Variants in ATP6V1B2 observed in about 807,000 individuals in gnomAD.
The protein encoded by ATP6V1B2 is ATPase H+ transporting V1 subunit B2.
In ATP6V1B2, 23 loss-of-function variants were observed where a neutral mutation model predicts 66.7. The ratio of observed to expected loss-of-function variants is 0.34; its 90% CI spans 0.25 to 0.49. ATP6V1B2 has a LOEUF of 0.49. Ranked by LOEUF, ATP6V1B2 falls within the 20% of genes least tolerant of loss-of-function variation. The pLI, the probability that ATP6V1B2 is intolerant of heterozygous loss-of-function variation, is 0.99. For synonymous variants in ATP6V1B2, 278 were observed against 236.7 expected (o/e 1.17, Z -1.60); for missense variants, 478 against 650.8 (o/e 0.73, Z 2.89).
intron 13 of ATP6V1B2, among the ~76,000 whole-genome samples, chr8:20,219,799 A>G (rs967871681): frequency 6.6e-6 from 1 of 152,170 alleles, no homozygotes. Context: ...TGACCTTCAG[A>G]TAGTGATACT....
rs973159406 is a variant in ATP6V1B2, at chr8:20,198,056, G to C, written c.136+514G>C. On this transcript the variant is annotated intron_variant, in intron 1 of 13. Transcript: ENST00000276390. ...GAGGTCAGGCCAGTAGCCAGAGGGA[G>C]ATGTGGCTTGGTGTTTGGTGGAGGG... Among the ~76,000 whole-genome samples the C allele has an allele frequency of 5.3e-5, 8 of 152,356 alleles. No homozygotes were observed. The South Asian group carries it at 8.3e-4, about 16-fold the overall frequency.
At chr8:20,218,427 C>T in intron 13 of ATP6V1B2, 145 bp downstream of exon 13, 1 of 1,076,490 alleles carries the variant, frequency 9.3e-7, no homozygotes, top group Non-Finnish European at 1.3e-6. Context: ...CTGCCTTAAC[C>T]CTCTGGCTTC....
intron 3 of ATP6V1B2, 104 bp from the exon 4 acceptor site, chr8:20,210,241 AT>A (rs1223072587): frequency 1.2e-6 from 1 of 849,652 alleles, no homozygotes; most frequent in African/African-American, 1.7e-5. Flanking sequence ...AGTAGTATAC[AT>A]TCATGGGTTT....
At chr8:20,198,180 G>A (rs921549358) in intron 1 of ATP6V1B2, among the ~76,000 whole-genome samples, 3 of 152,220 alleles carry the variant, frequency 2.0e-5, no homozygotes, top group Non-Finnish European at 4.4e-5. Context: ...CAGGTGAGAA[G>A]CCTAAGGTTC....
In ATP6V1B2 at chr8:20,211,665, T is replaced by G; in HGVS notation, c.617T>G (p.Ile206Ser). The change falls in exon 7 of 14, where the codon ATC becomes AGC. Residue 206 changes from isoleucine (I) to serine (S), a missense_variant. Ile to Ser is a moderately radical substitution (Grantham distance 142, BLOSUM62 -2). Around this residue, in one of 2 missense-constraint regions of ATP6V1B2, gnomAD observed 326 missense variants for 545.6 expected, o/e 0.60. Coordinates refer to ENST00000276390, the MANE Select transcript of ATP6V1B2 (RefSeq NM_001693.4). The part of the protein sequence containing the change: ...GLPHNEIAAQ[I>S]CRQAGLVKKS... ...TTTGTTCATCAGATTGCAGCTCAGA[T>G]CTGTCGCCAGGCTGGTTTGGTAAAG... The G allele has an allele frequency of 6.2e-7, 1 of 1,610,682 alleles. No homozygotes were observed. Among genetic ancestry groups the G allele is most frequent in the Non-Finnish European group, 8.5e-7 (1 of 1,179,256 alleles).
rs147213687 is a variant in ATP6V1B2, at chr8:20,197,411, C to A, written c.5C>A (p.Ala2Glu). 1.3e-5 allele frequency: 20 copies of A among 1,540,008 alleles called. No homozygotes were observed. Among genetic ancestry groups the A allele is most frequent in the Non-Finnish European group, 1.5e-5 (17 of 1,144,686 alleles). The change falls in exon 1 of 14, where the codon GCG (alanine) becomes GAG (glutamate). Residue 2 changes from alanine to glutamate, a missense_variant. Coordinates refer to ENST00000276390, the MANE Select transcript of ATP6V1B2 (RefSeq NM_001693.4). M[A>E]LRAMRGIVNG... is the part of the protein sequence containing the mutation. ...AGTCGGGACAGAGGAGACAAGATGG[C>A]GCTGCGGGCGATGCGGGGGATTGTC...
chr8:20,211,083 G>A (rs2072788598), intron 5 of ATP6V1B2, 94 bp from the exon 6 acceptor site: 3 of 1,496,384 alleles, frequency 2.0e-6, no homozygotes, highest in African/African-American at 1.4e-5. Flanking sequence ...GTCTTCTGGT[G>A]CTTTTTCTTT....
intron 1 of ATP6V1B2, among the ~76,000 whole-genome samples, chr8:20,197,991 G>A (rs1379841352): frequency 6.6e-6 from 1 of 152,212 alleles, no homozygotes; most frequent in South Asian, 2.1e-4. Flanking sequence ...GAGGGCAGAC[G>A]GTAGAGCCTT....
In ATP6V1B2 at chr8:20,209,546, G is replaced by A. The variant is rs550674253; in HGVS notation, c.291+15G>A. On this transcript the variant is annotated intron_variant, in intron 3 of 13. Transcript: ENST00000276390. ...CAGTAGTTCAGGTAAGTTTCAGCTG[G>A]CCAGCTGAACTGTTTCCTAGTTGCC... 2.5e-6 allele frequency: 4 copies of A among 1,608,340 alleles called. No individual in the cohort carries two copies. The highest frequency in any genetic ancestry group is 2.2e-5 in the South Asian group (2 of 90,950).
intron 12 of ATP6V1B2, 52 bp from the exon 13 acceptor site, chr8:20,218,101 C>T: frequency 1.3e-6 from 2 of 1,597,194 alleles, no homozygotes; most frequent in South Asian, 2.3e-5. Context: ...TCCCAGATGA[C>T]TGAACATTTT....
intron 2 of ATP6V1B2, among the ~76,000 whole-genome samples, chr8:20,205,643 A>C (rs1365672522): frequency 6.6e-6 from 1 of 152,254 alleles, no homozygotes; most frequent in East Asian, 1.9e-4. Context: ...ATTTGATTTT[A>C]GATTTTGGCT....
chr8:20,211,619 A>G, intron 6 of ATP6V1B2, 33 bp from the exon 7 acceptor site: 1 of 1,564,426 alleles, frequency 6.4e-7, no homozygotes, highest in Non-Finnish European at 8.7e-7. Context: ...GTTATTTTAG[A>G]TTTCAACTGA....
chr8:20,204,835 A>G lies in ATP6V1B2; in HGVS notation c.192+296A>G, dbSNP rs117177999. Among the ~76,000 whole-genome samples the G allele has an allele frequency of 7.0e-3, 1,064 of 152,262 alleles. 12 individuals are homozygous for G. The highest frequency in any genetic ancestry group is 0.044 in the South Asian group (214 of 4,828). On this transcript the variant is annotated intron_variant, in intron 2 of 13. Transcript: ENST00000276390. Reference sequence around the variant, plus strand: ...GGTCAGGGAGAGGCATACAATTACTAGTTTGTTGAGAGAGGTTAATGATGC... The same window carrying G: ...GGTCAGGGAGAGGCATACAATTACTGGTTTGTTGAGAGAGGTTAATGATGC...
chr8:20,203,891 T>C (rs550252052), intron 1 of ATP6V1B2: 23 of 436,998 alleles, frequency 5.3e-5, no homozygotes, highest in South Asian at 3.9e-4. Flanking sequence ...CATTGCCTAC[T>C]CCGTCCTTCA....
intron 1 of ATP6V1B2, among the ~76,000 whole-genome samples, chr8:20,202,851 G>T (rs1470805639): frequency 1.3e-5 from 2 of 152,134 alleles, no homozygotes; most frequent in Non-Finnish European, 2.9e-5. Context: ...CAGCTGTTTG[G>T]TAAAGGTTTT....
At chr8:20,203,181 A>G (rs574785402) in intron 1 of ATP6V1B2, among the ~76,000 whole-genome samples, 18 of 152,240 alleles carry the variant, frequency 1.2e-4, no homozygotes, top group African/African-American at 4.3e-4. Flanking sequence ...CTTTTTATCT[A>G]AAGTGGGGAA....
intron 9 of ATP6V1B2, chr8:20,214,281 C>T (rs2072827756): frequency 6.6e-6 from 1 of 152,336 alleles, no homozygotes; most frequent in Non-Finnish European, 1.5e-5. Context: ...GACTTTGTGA[C>T]CTTCAGAAAT....
Position 20,220,414 on chromosome 8 carries a change from G to C in ATP6V1B2, c.*12G>C, listed in dbSNP as rs374051764. 6.4e-7 allele frequency: 1 copy of C among 1,555,838 alleles called. No individual in the cohort carries two copies. The highest frequency in any genetic ancestry group is 1.4e-5 in the African/African-American group (1 of 71,086). ...CTGCAAAGCATTAGCTGCTGCTTCT[G>C]CATTGCTCCGCGCTCTTGTGAAATA... is the stretch of plus-strand genomic sequence containing the variant. On this transcript the variant is annotated 3_prime_UTR_variant, in exon 14 of 14. Transcript: ENST00000276390.
At chr8:20,205,665 CAT>C (rs1348417191) in intron 2 of ATP6V1B2, among the ~76,000 whole-genome samples, 23 of 152,110 alleles carry the variant, frequency 1.5e-4, no homozygotes, top group African/African-American at 4.8e-4. Context: ...TTGTTTTTAA[CAT>C]AAAACATATA....
Sources: gnomAD v4.1 joint callset for allele counts (sites outside exome capture counted in the v4.1 genomes callset) on GRCh38, gnomAD v4.1.1 for gene constraint, gnomAD v4.1.1 regional missense constraint, MANE v1.5 for transcripts, NCBI Gene and HGNC (gene_info 2026-07-23, HGNC 2026-07-21) for gene names.